The following CAMK1G variants were observed in gnomAD, a reference collection of about 807,000 sequenced individuals.
CAMK1G encodes calcium/calmodulin-dependent protein kinase type 1G.
CAMK1G carries 27 observed loss-of-function variants against 54.8 expected under a neutral mutation model. The observed-to-expected ratio is 0.49, with a 90% CI of 0.36 to 0.68. The LOEUF (loss-of-function observed/expected upper bound fraction) is 0.68. Ranked by LOEUF, CAMK1G falls within the 30% of genes least tolerant of loss-of-function variation. CAMK1G has a pLI of 0.00. For synonymous variants in CAMK1G, 238 were observed against 224.9 expected, an observed-to-expected ratio of 1.06 and a Z score of -0.52; for missense variants, 512 against 591.0, an observed-to-expected ratio of 0.87 and a Z score of 1.39.
chr1:209,600,240 G>A (rs1016073836), intron 3 of CAMK1G, 129 bp downstream of exon 3: 3 of 1,091,606 alleles, frequency 2.7e-6, no homozygotes, highest in Admixed American at 4.9e-5. Context: ...GAGTTGATGG[G>A]TCAGTTCAGT....
intron 1 of CAMK1G, among the ~76,000 whole-genome samples, chr1:209,586,033 G>A (rs1665092390): frequency 6.6e-6 from 1 of 152,376 alleles, no homozygotes; most frequent in Admixed American, 6.5e-5. Flanking sequence ...CATGTCCTTG[G>A]AGGAAAGGCT....
At chr1:209,586,000 G>C (rs1045143710) in intron 1 of CAMK1G, among the ~76,000 whole-genome samples, 1 of 152,234 alleles carries the variant, frequency 6.6e-6, no homozygotes, top group Non-Finnish European at 1.5e-5. Flanking sequence ...GGGACTGCAC[G>C]GACTATCCAG....
At chr1:209,605,738 T>A in intron 5 of CAMK1G, 64 bp downstream of exon 5, 2 of 1,518,288 alleles carry the variant, frequency 1.3e-6, no homozygotes, top group Non-Finnish European at 1.8e-6. Context: ...GCATGGGTCA[T>A]GGGACATCTA....
intron 6 of CAMK1G, among the ~76,000 whole-genome samples, chr1:209,607,568 G>A (rs963366705): frequency 1.3e-5 from 2 of 152,202 alleles, no homozygotes; most frequent in African/African-American, 4.8e-5. Context: ...AGAATACTCA[G>A]TGTAATCAGG....
At chr1:209,601,192 A>G (rs1468739889) in intron 3 of CAMK1G, among the ~76,000 whole-genome samples, 1 of 152,218 alleles carries the variant, frequency 6.6e-6, no homozygotes, top group African/African-American at 2.4e-5. Flanking sequence ...ACAGGAGGCT[A>G]ATTATAAGAC....
intron 1 of CAMK1G, among the ~76,000 whole-genome samples, chr1:209,593,488 A>T (rs1391717277): frequency 1.3e-5 from 2 of 152,150 alleles, no homozygotes; most frequent in African/African-American, 4.8e-5. Flanking sequence ...ACAGAGTGGA[A>T]TATCCAAAGG....
chr1:209,601,569 C>A lies in CAMK1G; in HGVS notation c.221+1458C>A, dbSNP rs140115491. On this transcript the variant is annotated intron_variant, in intron 3 of 12. Transcript: ENST00000361322. ...TATTAGGGCAAAGAAAGACTCTCAA[C>A]TAATTGAGAGCAAGGACCATGTCAT... is the stretch of plus-strand genomic sequence containing the variant. Among the ~76,000 whole-genome samples, 1,272 of 152,264 alleles carry A rather than the reference C, an allele frequency of 8.4e-3. 9 individuals are homozygous for A. Among genetic ancestry groups the A allele is most frequent in the Admixed American group, 0.013 (205 of 15,292 alleles).
Position 209,605,552 on chromosome 1 carries a change from C to G in CAMK1G, c.313C>G (p.Leu105Val). ...LVMQLVSGGE[L>V]FDRILERGVY... ...TGCCCACAGTGTTTCTGGTGGGGAG[C>G]TCTTTGACCGGATCCTGGAGCGGGG... Residue 105 changes from leucine (L) to valine (V), a missense_variant, in exon 5 of 13, where the codon CTC (leucine) becomes GTC (valine). Transcript: ENST00000361322. 1 of 1,613,918 alleles carries G rather than the reference C, an allele frequency of 6.2e-7. No homozygotes were observed. The highest frequency in any genetic ancestry group is 8.5e-7 in the Non-Finnish European group (1 of 1,179,880).
At chr1:209,609,667 G>A (rs1028184225) in intron 8 of CAMK1G, among the ~76,000 whole-genome samples, 184 bp from the exon 9 acceptor site, 1 of 152,136 alleles carries the variant, frequency 6.6e-6, no homozygotes, top group African/African-American at 2.4e-5. Flanking sequence ...TCCCTTCTTT[G>A]GTGGTTTATG....
At chr1:209,606,233 A>C (rs1394901435) in intron 5 of CAMK1G, 87 bp from the exon 6 acceptor site, 2 of 1,545,564 alleles carry the variant, frequency 1.3e-6, no homozygotes, top group African/African-American at 2.7e-5. Flanking sequence ...CCCAGGGCTC[A>C]TCTTCCTGTG....
chr1:209,609,815 G>A, intron 8 of CAMK1G, 36 bp from the exon 9 acceptor site: 3 of 1,607,638 alleles, frequency 1.9e-6, no homozygotes, highest in Non-Finnish European at 2.6e-6. Context: ...ATGAAATCTG[G>A]TCCTTAGTCG....
At chr1:209,599,760 C>T (rs548946003) in intron 2 of CAMK1G, among the ~76,000 whole-genome samples, 2 of 152,312 alleles carry the variant, frequency 1.3e-5, no homozygotes, top group East Asian at 3.9e-4. Context: ...TTATCTCTCC[C>T]TAGCTTTTTT....
At chr1:209,585,260 C>G (rs1221504547) in intron 1 of CAMK1G, among the ~76,000 whole-genome samples, 1 of 152,190 alleles carries the variant, frequency 6.6e-6, no homozygotes, top group Admixed American at 6.5e-5. Flanking sequence ...GACATGCTGT[C>G]CCCAGCCTCC....
Position 209,605,562 on chromosome 1 carries a change from G to A in CAMK1G, c.323G>A (p.Arg108Gln), listed in dbSNP as rs760454966. 23 of 1,613,812 alleles carry A rather than the reference G, an allele frequency of 1.4e-5. No homozygotes were observed. Among genetic ancestry groups the A allele is most frequent in the African/African-American group, 2.7e-5 (2 of 74,908 alleles). ...GTTTCTGGTGGGGAGCTCTTTGACC[G>A]GATCCTGGAGCGGGGTGTCTACACA... is the stretch of plus-strand genomic sequence containing the variant. ...QLVSGGELFD[R>Q]ILERGVYTEK... Residue 108 changes from arginine to glutamine, a missense_variant, in exon 5 of 13, where the codon CGG (arginine) becomes CAG (glutamine). This residue lies in a region of CAMK1G where 186 missense variants were observed against 231.5 expected (regional missense o/e 0.80). Coordinates refer to ENST00000361322, the MANE Select transcript of CAMK1G (RefSeq NM_020439.3).
At chr1:209,608,206 C>T (rs1035332406) in intron 7 of CAMK1G, among the ~76,000 whole-genome samples, 1 of 152,246 alleles carries the variant, frequency 6.6e-6, no homozygotes, top group African/African-American at 2.4e-5. Context: ...CCTCCTCTTG[C>T]ACCCCTGCCC....
At chr1:209,592,344 CA>C (rs56012133) in intron 1 of CAMK1G, among the ~76,000 whole-genome samples, 1,113 of 70,228 alleles carry the variant, frequency 0.016, 9 homozygotes, top group East Asian at 0.041. Context: ...GACTCTGTCT[CA>C]AAAAAAAAAA....
At chr1:209,610,097 T>C (rs1282565048) in intron 9 of CAMK1G, among the ~76,000 whole-genome samples, 168 bp downstream of exon 9, 1 of 152,126 alleles carries the variant, frequency 6.6e-6, no homozygotes, top group Non-Finnish European at 1.5e-5. Flanking sequence ...GATTCAAACA[T>C]TATACAGTGG....
At chr1:209,597,859 G>A (rs891309690) in intron 2 of CAMK1G, among the ~76,000 whole-genome samples, 1 of 152,166 alleles carries the variant, frequency 6.6e-6, no homozygotes, top group African/African-American at 2.4e-5. Flanking sequence ...GTACTACTGG[G>A]TGTTCTTCAT....
At chr1:209,604,744 G>A (rs1041316406) in intron 4 of CAMK1G, among the ~76,000 whole-genome samples, 2 of 152,198 alleles carry the variant, frequency 1.3e-5, no homozygotes, top group East Asian at 1.9e-4. Context: ...CTTGAAAGGT[G>A]CACAGGAAAG....
Sources: gnomAD v4.1 joint callset for allele counts (sites outside exome capture counted in the v4.1 genomes callset) on GRCh38, gnomAD v4.1.1 for gene constraint, gnomAD v4.1.1 regional missense constraint, MANE v1.5 for transcripts, NCBI Gene and HGNC (gene_info 2026-07-23, HGNC 2026-07-21) for gene names.